LSM11: variants seen among roughly 807,000 people sequenced by gnomAD.
The protein encoded by LSM11 is U7 snRNA-associated Sm-like protein LSm11.
LSM11 carries 14 observed loss-of-function variants against 28.1 expected under a neutral mutation model. The ratio of observed to expected loss-of-function variants is 0.50; its 90% CI spans 0.33 to 0.78. The LOEUF is 0.78. LSM11 is among the 30% of genes least tolerant of loss of function. LSM11 has a pLI of 0.02. For synonymous variants in LSM11, 207 were observed against 214.2 expected (o/e 0.97, Z 0.30); for missense variants, 495 against 510.6 (o/e 0.97, Z 0.30).
In LSM11 at chr5:157,760,637, T is replaced by C. The variant is rs934357149; in HGVS notation, c.*5373T>C. ...GGAGAATTGCTGCTAGTAAGGTCAG[T>C]TTGCAATGTTCAGCTTTAGATATGT... On this transcript the variant is annotated 3_prime_UTR_variant, in exon 4 of 4. Coordinates refer to ENST00000286307, the MANE Select transcript of LSM11 (RefSeq NM_173491.4). The C allele has an allele frequency of 6.6e-6, 1 of 152,198 alleles. No homozygotes were observed. The highest frequency in any genetic ancestry group is 1.5e-5 in the Non-Finnish European group (1 of 68,040). The allele number at this position is 152,198 out of a possible 1,614,324, so 9.4% of individuals were successfully genotyped here.
Position 157,755,158 on chromosome 5 carries a change from A to C in LSM11, c.977A>C (p.Lys326Thr), listed in dbSNP as rs778016018. The C allele has an allele frequency of 7.4e-6, 12 of 1,614,254 alleles. No homozygotes were observed. The Admixed American group carries it at 2.0e-4, about 27-fold the overall frequency. ...ATTLSRGQSR[K>T]KKRKPKVDYQ... is the part of the protein sequence containing the mutation. The stretch of plus-strand genomic sequence containing the variant: ...ACCCTTTCCAGAGGCCAGTCCCGTA[A>C]GAAAAAGCGAAAGCCCAAAGTGGAT... The change falls in exon 4 of 4, where the codon AAG becomes ACG. Residue 326 changes from lysine to threonine, a missense_variant. Lys to Thr is a moderately conservative substitution (Grantham distance 78). Transcript: ENST00000286307.
Position 157,757,761 on chromosome 5 carries a change from C to G in LSM11, c.*2497C>G, listed in dbSNP as rs1234084771. On this transcript the variant is annotated 3_prime_UTR_variant, in exon 4 of 4. Coordinates refer to ENST00000286307, the MANE Select transcript of LSM11 (RefSeq NM_173491.4). ...CGGCTAGAATGATGTACTCTACTTT[C>G]CCAATAAGGTAGAAATTTGGAATCC... 3.3e-5 allele frequency: 5 copies of G among 152,210 alleles called. No homozygotes were observed. The highest frequency in any genetic ancestry group is 6.5e-5 in the Admixed American group (1 of 15,278). 9.4% of individuals were successfully genotyped at this position (152,210 alleles called of 1,614,324 possible). A position where few individuals can be genotyped will look rare whatever the true frequency, so the allele number is the denominator to read the frequency against.
chr5:157,751,950 C>T (rs72813257), intron 2 of LSM11, among the ~76,000 whole-genome samples: 5,296 of 152,186 alleles, frequency 0.035, 132 homozygotes, highest in Non-Finnish European at 0.052. Flanking sequence ...CCTTAAGGAC[C>T]AATTATTTTA....
At position 157,755,533 on chromosome 5, in the gene LSM11, C is replaced by T. The variant is rs1416230577; in HGVS notation, c.*269C>T. 1.9e-6 allele frequency: 1 copy of T among 531,580 alleles called. No individual in the cohort carries two copies. Among genetic ancestry groups the T allele is most frequent in the African/African-American group, 1.9e-5 (1 of 52,428 alleles). The allele number at this position is 531,580 out of a possible 1,614,324, so 32.9% of individuals were successfully genotyped here. On this transcript the variant is annotated 3_prime_UTR_variant, in exon 4 of 4. Coordinates refer to ENST00000286307, the MANE Select transcript of LSM11 (RefSeq NM_173491.4). Reference sequence around the variant, plus strand: ...TGTGATTTACTTCAGACCCTGAAACCAAATATCTGATCTTCCATTAGACTT... The same window carrying T: ...TGTGATTTACTTCAGACCCTGAAACTAAATATCTGATCTTCCATTAGACTT...
Position 157,759,822 on chromosome 5 carries a change from G to C in LSM11, c.*4558G>C, listed in dbSNP as rs1761383984. 6.6e-6 allele frequency: 1 copy of C among 152,192 alleles called. No individual in the cohort carries two copies. Among genetic ancestry groups the C allele is most frequent in the African/African-American group, 2.4e-5 (1 of 41,430 alleles). 9.4% of individuals were successfully genotyped at this position (152,192 alleles called of 1,614,324 possible). ...CACTTTCTGGCAAATTGAGTTGATG[G>C]ATTTAAGATAAGCCTTTGGGGTTCC... On this transcript the variant is annotated 3_prime_UTR_variant, in exon 4 of 4. Transcript: ENST00000286307.
rs1342145418 is a variant in LSM11, at chr5:157,755,941, A to T, written c.*677A>T. On this transcript the variant is annotated 3_prime_UTR_variant, in exon 4 of 4. Transcript: ENST00000286307. ...CTTCAGTCTTCCCCTTACCAGAGGT[A>T]GCCTCTGCAAATGGCATACCAGATG... 3 of 370,938 alleles carry T rather than the reference A, an allele frequency of 8.1e-6. No individual in the cohort carries two copies. The highest frequency in any genetic ancestry group is 1.4e-5 in the Non-Finnish European group (3 of 209,492). The allele number at this position is 370,938 out of a possible 1,614,324, so 23.0% of individuals were successfully genotyped here.
chr5:157,752,568 G>A (rs1041339778), intron 2 of LSM11, among the ~76,000 whole-genome samples: 1 of 151,802 alleles, frequency 6.6e-6, no homozygotes, highest in Non-Finnish European at 1.5e-5. Flanking sequence ...CTACTAGGCT[G>A]CACGCGGTGG....
intron 2 of LSM11, among the ~76,000 whole-genome samples, chr5:157,752,621 G>A (rs540831371): frequency 3.8e-4 from 58 of 151,424 alleles, no homozygotes; most frequent in African/African-American, 1.2e-3. Context: ...CGAGGCAGGC[G>A]GATCGCCTGA....
At chr5:157,746,044 C>A (rs1362839392) in intron 1 of LSM11, among the ~76,000 whole-genome samples, 1 of 152,088 alleles carries the variant, frequency 6.6e-6, no homozygotes, top group Non-Finnish European at 1.5e-5. Context: ...TGCAACAAAC[C>A]TTTCGTGTAC....
chr5:157,749,265 C>T, intron 1 of LSM11, among the ~76,000 whole-genome samples: 1 of 151,710 alleles, frequency 6.6e-6, no homozygotes, highest in East Asian at 1.9e-4. Context: ...TGTTTTTTTC[C>T]AAGTTAGAAA....
intron 3 of LSM11, among the ~76,000 whole-genome samples, chr5:157,754,464 C>T (rs187843708): frequency 7.8e-4 from 119 of 152,026 alleles, no homozygotes; most frequent in South Asian, 1.9e-3. Context: ...GAGGCCGAGG[C>T]GGGTGAATCA....
At chr5:157,749,569 T>G (rs1432430458) in intron 1 of LSM11, among the ~76,000 whole-genome samples, 1 of 132,092 alleles carries the variant, frequency 7.6e-6, no homozygotes, top group African/African-American at 3.0e-5. Context: ...ATAACACATA[T>G]ACACGCGCGC....
rs1761389441 is a variant in LSM11 at position 157,760,316 on chromosome 5, A to G, written c.*5052A>G. 6.6e-6 allele frequency: 1 copy of G among 152,206 alleles called. No homozygotes were observed. Among genetic ancestry groups the G allele is most frequent in the African/African-American group, 2.4e-5 (1 of 41,448 alleles). 9.4% of individuals were successfully genotyped at this position (152,206 alleles called of 1,614,324 possible). A position where few individuals can be genotyped will look rare whatever the true frequency, so the allele number is the denominator to read the frequency against. ...TTATGTGTGAGCTAGAATCTAGGGT[A>G]GCTGTCCACTTCTTTTTCTGTTGTC... On this transcript the variant is annotated 3_prime_UTR_variant, in exon 4 of 4. Transcript: ENST00000286307.
intron 2 of LSM11, among the ~76,000 whole-genome samples, chr5:157,752,914 C>T (rs1318029577): frequency 1.3e-5 from 2 of 151,592 alleles, no homozygotes; most frequent in African/African-American, 4.8e-5. Context: ...TCTTCTATCT[C>T]CAACTTTCCT....
rs1180515633 is a variant in LSM11 at position 157,743,905 on chromosome 5, G to C, written c.155G>C (p.Cys52Ser). Residue 52 changes from cysteine to serine, a missense_variant, in exon 1 of 4, where the codon TGC becomes TCC. Transcript: ENST00000286307. ...CCCATTCCCTACCCCAATGCCCCCT[G>C]CTTCAACAACGTGGCGGAGTACGAG... ...LPPIPYPNAPCFNNVAEYESF... is the reference protein window; with the variant it reads ...LPPIPYPNAPSFNNVAEYESF... 8 of 1,522,944 alleles carry C rather than the reference G, an allele frequency of 5.3e-6. No homozygotes were observed. Among genetic ancestry groups the C allele is most frequent in the Non-Finnish European group, 7.0e-6 (8 of 1,134,958 alleles). 94.3% of individuals were successfully genotyped at this position (1,522,944 alleles called of 1,614,324 possible).
chr5:157,746,635 C>T (rs1490834514), intron 1 of LSM11, among the ~76,000 whole-genome samples: 2 of 152,172 alleles, frequency 1.3e-5, no homozygotes, highest in Admixed American at 1.3e-4. Context: ...AGTAGCCAGG[C>T]ACAGTGGCTC....
Position 157,744,142 on chromosome 5 carries a change from G to C in LSM11, c.392G>C (p.Arg131Pro). The C allele has an allele frequency of 6.9e-7, 1 of 1,454,096 alleles. No homozygotes were observed. The allele number at this position is 1,454,096 out of a possible 1,614,324, so 90.1% of individuals were successfully genotyped here. ...EEGDGAAGAG[R>P]RGPGRSRKAP... is the part of the protein sequence containing the mutation. ...GGGGACGGGGCCGCAGGAGCGGGCC[G>C]GAGGGGTCCGGGTCGGAGCAGGAAG... Residue 131 changes from arginine (R) to proline (P), a missense_variant, in exon 1 of 4, where the codon CGG (arginine) becomes CCG (proline). Transcript: ENST00000286307.
At position 157,756,519 on chromosome 5, in the gene LSM11, A is replaced by C. The variant is rs1445864287; in HGVS notation, c.*1255A>C. On this transcript the variant is annotated 3_prime_UTR_variant, in exon 4 of 4. Coordinates refer to ENST00000286307, the MANE Select transcript of LSM11 (RefSeq NM_173491.4). ...TCAAGGTGAGAATAAGAAATAGCCAACTAGTTAAAATGTATGAAAAGAAAA... is the reference window on the plus strand; with the variant it reads ...TCAAGGTGAGAATAAGAAATAGCCACCTAGTTAAAATGTATGAAAAGAAAA... 6.6e-6 allele frequency: 1 copy of C among 152,616 alleles called. No individual in the cohort carries two copies. Among genetic ancestry groups the C allele is most frequent in the Admixed American group, 6.5e-5 (1 of 15,278 alleles). 9.5% of individuals were successfully genotyped at this position (152,616 alleles called of 1,614,324 possible).
At chr5:157,749,115 A>G (rs1761187738) in intron 1 of LSM11, among the ~76,000 whole-genome samples, 1 of 152,238 alleles carries the variant, frequency 6.6e-6, no homozygotes, top group African/African-American at 2.4e-5. Flanking sequence ...CTTTGGAAGA[A>G]AAAAATTAAA....
Sources: gnomAD v4.1 joint callset for allele counts (sites outside exome capture counted in the v4.1 genomes callset) on GRCh38, gnomAD v4.1.1 for gene constraint, MANE v1.5 for transcripts, NCBI Gene and HGNC (gene_info 2026-07-23, HGNC 2026-07-21) for gene names.